LRRC4C: variants seen among roughly 807,000 people sequenced by gnomAD.
The protein encoded by LRRC4C is leucine-rich repeat-containing protein 4C.
Under a neutral mutation model 33.6 loss-of-function variants are expected in LRRC4C, and 5 were observed. The ratio of observed to expected loss-of-function variants is 0.15; its 90% CI spans 0.08 to 0.31. The LOEUF is 0.31. Among genes scored for constraint, LRRC4C ranks in the 10% least tolerant of loss-of-function variants. The probability of loss-of-function intolerance (pLI) is 1.00; values close to 1 mark genes in which losing one functional copy is unlikely to be tolerated. For synonymous variants in LRRC4C, 329 were observed against 302.0 expected, an observed-to-expected ratio of 1.09 and a Z score of -0.93; for missense variants, 560 against 796.7, an observed-to-expected ratio of 0.70 and a Z score of 3.58.
chr11:40,206,403 T>C (rs1344498926), intron 5 of LRRC4C, among the ~76,000 whole-genome samples: 1 of 106,178 alleles, frequency 9.4e-6, no homozygotes, highest in African/African-American at 3.4e-5. Context: ...GCCCAGCTAA[T>C]TTTTGTATTT....
At chr11:40,412,013 A>AT (rs1263907311) in intron 3 of LRRC4C, among the ~76,000 whole-genome samples, 2 of 151,906 alleles carry the variant, frequency 1.3e-5, no homozygotes, top group East Asian at 3.9e-4. Flanking sequence ...GAAAATACTG[A>AT]TTTTTTCAAA....
intron 1 of LRRC4C, among the ~76,000 whole-genome samples, chr11:40,970,563 A>C (rs2136982383): frequency 6.6e-6 from 1 of 152,258 alleles, no homozygotes; most frequent in African/African-American, 2.4e-5. Context: ...TAAAACAGAA[A>C]ATTGGTACTG....
chr11:40,685,668 A>G (rs1944916849), intron 2 of LRRC4C, among the ~76,000 whole-genome samples: 1 of 152,034 alleles, frequency 6.6e-6, no homozygotes, highest in African/African-American at 2.4e-5. Context: ...GGAGATAAGA[A>G]TGAGGATATA....
intron 5 of LRRC4C, among the ~76,000 whole-genome samples, chr11:40,158,449 T>A (rs1032202529): frequency 3.9e-5 from 6 of 152,044 alleles, no homozygotes; most frequent in Non-Finnish European, 8.8e-5. Context: ...GTGACTATAG[T>A]TTCAGTTTAA....
At chr11:41,023,917 C>T (rs11036194) in intron 1 of LRRC4C, among the ~76,000 whole-genome samples, 20,395 of 151,620 alleles carry the variant, frequency 0.13, 1,489 homozygotes, top group Middle Eastern at 0.21. Flanking sequence ...ATCTGCTGTT[C>T]GGGACAAACT....
At chr11:41,175,053 C>A (rs1945139472) in intron 1 of LRRC4C, among the ~76,000 whole-genome samples, 1 of 152,072 alleles carries the variant, frequency 6.6e-6, no homozygotes, top group Admixed American at 6.6e-5. Context: ...TTCTGCTGAT[C>A]AAATACATTT....
chr11:41,274,498 C>T (rs1201877597), intron 1 of LRRC4C, among the ~76,000 whole-genome samples: 1 of 152,076 alleles, frequency 6.6e-6, no homozygotes, highest in African/African-American at 2.4e-5. Context: ...GAAGTGAAGC[C>T]AGCTGGACTT....
At chr11:41,306,533 A>C (rs1793831652) in intron 1 of LRRC4C, among the ~76,000 whole-genome samples, 1 of 152,202 alleles carries the variant, frequency 6.6e-6, no homozygotes, top group Admixed American at 6.5e-5. Flanking sequence ...TATACTACAC[A>C]CCATGTGCTA....
At chr11:40,384,818 C>A (rs1349181409) in intron 3 of LRRC4C, among the ~76,000 whole-genome samples, 1 of 151,970 alleles carries the variant, frequency 6.6e-6, no homozygotes, top group African/African-American at 2.4e-5. Context: ...TTTCTATAAA[C>A]AATATGATTC....
intron 3 of LRRC4C, among the ~76,000 whole-genome samples, chr11:40,644,744 CA>C (rs1942335468): frequency 6.6e-6 from 1 of 152,040 alleles, no homozygotes; most frequent in Admixed American, 6.6e-5. Flanking sequence ...TAGAAGTTGT[CA>C]GTGTTTAAGG....
At chr11:40,936,014 TTATATATATA>T (rs56879078) in intron 1 of LRRC4C, among the ~76,000 whole-genome samples, 100 of 49,298 alleles carry the variant, frequency 2.0e-3, no homozygotes, top group Middle Eastern at 0.013. Context: ...ATGCCAAATT[TTATATATATA>T]TATATATATA....
At chr11:40,564,933 A>G (rs1957694616) in intron 3 of LRRC4C, among the ~76,000 whole-genome samples, 2 of 152,150 alleles carry the variant, frequency 1.3e-5, no homozygotes, top group South Asian at 4.1e-4. Context: ...TTGTTGCCCA[A>G]CTGTAGCTTT....
chr11:40,940,255 C>T (rs1461208828), intron 1 of LRRC4C, among the ~76,000 whole-genome samples: 2 of 152,024 alleles, frequency 1.3e-5, no homozygotes, highest in Non-Finnish European at 2.9e-5. Context: ...ACAAAGTGCT[C>T]ATGAAAAAGC....
chr11:40,610,964 A>T (rs1397639033), intron 3 of LRRC4C, among the ~76,000 whole-genome samples: 1 of 151,890 alleles, frequency 6.6e-6, no homozygotes, highest in Non-Finnish European at 1.5e-5. Context: ...ATATCTACAG[A>T]TTCAATGCAA....
At chr11:40,987,857 A>G (rs1001614209) in intron 1 of LRRC4C, among the ~76,000 whole-genome samples, 4 of 151,926 alleles carry the variant, frequency 2.6e-5, no homozygotes, top group African/African-American at 9.7e-5. Context: ...AAATAGTGCC[A>G]TGCTGGTCTC....
At chr11:40,362,082 C>A (rs1178533729) in intron 3 of LRRC4C, among the ~76,000 whole-genome samples, 1 of 152,082 alleles carries the variant, frequency 6.6e-6, no homozygotes, top group African/African-American at 2.4e-5. Flanking sequence ...GAAACTGGAC[C>A]CTTTCCTTAC....
chr11:41,354,127 C>T (rs553840986), intron 1 of LRRC4C, among the ~76,000 whole-genome samples: 59 of 152,242 alleles, frequency 3.9e-4, no homozygotes, highest in African/African-American at 1.3e-3. Context: ...CTAGAAAACC[C>T]CATAGTCTCT....
In LRRC4C at chr11:40,523,968, T is replaced by C. The variant is rs576202536; in HGVS notation, c.-270+124174A>G. On this transcript the variant is annotated intron_variant, in intron 3 of 6. Transcript: ENST00000528697. ...GGGATGTAGTAATAAGCTTCATTTT[T>C]CTTCGCAAATAAAACAATACTCTCC... Among the ~76,000 whole-genome samples the C allele has an allele frequency of 2.6e-4, 40 of 152,298 alleles. 1 individual carries two copies. The East Asian group carries it at 7.7e-3, about 29-fold the overall frequency.
chr11:40,273,287 G>T (rs907936064), intron 4 of LRRC4C, among the ~76,000 whole-genome samples: 1 of 152,072 alleles, frequency 6.6e-6, no homozygotes, highest in Non-Finnish European at 1.5e-5. Context: ...TATGGAAGGG[G>T]TATGAGTGAA....
Sources: gnomAD v4.1 joint callset for allele counts (sites outside exome capture counted in the v4.1 genomes callset) on GRCh38, gnomAD v4.1.1 for gene constraint, MANE v1.5 for transcripts, NCBI Gene and HGNC (gene_info 2026-07-23, HGNC 2026-07-21) for gene names.